DLG2: variants seen among roughly 807,000 people sequenced by gnomAD.
DLG2 encodes disks large homolog 2.
Under a neutral mutation model 132.5 loss-of-function variants are expected in DLG2, and 45 were observed. The observed-to-expected ratio is 0.34, with a 90% CI of 0.27 to 0.44. DLG2 has a LOEUF of 0.44. Among genes scored for constraint, DLG2 ranks in the 20% least tolerant of loss-of-function variants. The pLI is 1.00. For synonymous variants in DLG2, 424 were observed against 419.6 expected (o/e 1.01, Z -0.13); for missense variants, 1,045 against 1,196.9 (o/e 0.87, Z 1.87).
At chr11:85,464,858 A>T (rs2092728572) in intron 3 of DLG2, among the ~76,000 whole-genome samples, 2 of 151,534 alleles carry the variant, frequency 1.3e-5, no homozygotes, top group South Asian at 4.2e-4. Context: ...GTGAATCACA[A>T]GGCCAGGAGT....
chr11:85,554,543 G>T (rs1565678530), intron 3 of DLG2, among the ~76,000 whole-genome samples: 1 of 151,870 alleles, frequency 6.6e-6, no homozygotes, highest in South Asian at 2.1e-4. Context: ...AGCTAACTAT[G>T]GGAAGAATTT....
chr11:85,415,548 C>T (rs1442627392), intron 3 of DLG2, among the ~76,000 whole-genome samples: 1 of 152,160 alleles, frequency 6.6e-6, no homozygotes, highest in African/African-American at 2.4e-5. Flanking sequence ...TAATGATCAC[C>T]ATTCTAACTG....
chr11:85,200,588 T>A (rs1439971550), intron 4 of DLG2, among the ~76,000 whole-genome samples: 1 of 151,712 alleles, frequency 6.6e-6, no homozygotes, highest in Non-Finnish European at 1.5e-5. Flanking sequence ...TGCTGGGAGA[T>A]GAATATTTCT....
At chr11:84,183,419 T>C (rs921191163) in intron 8 of DLG2, among the ~76,000 whole-genome samples, 3 of 152,080 alleles carry the variant, frequency 2.0e-5, no homozygotes, top group Non-Finnish European at 4.4e-5. Flanking sequence ...AGGAGGTGTA[T>C]GGGAACCCTT....
intron 19 of DLG2, among the ~76,000 whole-genome samples, chr11:83,575,274 G>A (rs1265632023): frequency 6.6e-6 from 1 of 152,176 alleles, no homozygotes; most frequent in East Asian, 1.9e-4. Context: ...AGAATCTTTA[G>A]TAGATGGGAA....
intron 3 of DLG2, among the ~76,000 whole-genome samples, chr11:85,477,999 T>TTTC (rs2093192477): frequency 6.6e-6 from 1 of 151,496 alleles, no homozygotes; most frequent in African/African-American, 2.4e-5. Flanking sequence ...GAGGGCTGAG[T>TTTC]GGAACAATAG....
In DLG2 at chr11:84,405,556, C is replaced by G. The variant is rs181664241; in HGVS notation, c.519+129014G>C. On this transcript the variant is annotated intron_variant, in intron 7 of 27. Coordinates refer to ENST00000376104, the MANE Select transcript of DLG2 (RefSeq NM_001142699.3). Reference sequence around the variant, plus strand: ...ATACATTCCATATTTAATATCTAACCTATTGAAAGCCAGAAATGTTCAAAG... The same window carrying G: ...ATACATTCCATATTTAATATCTAACGTATTGAAAGCCAGAAATGTTCAAAG... 3.2e-4 allele frequency among the ~76,000 whole-genome samples: 49 copies of G among 152,226 alleles called. No individual in the cohort carries two copies. In the East Asian group the frequency reaches 8.5e-3, roughly 26 times the overall value.
chr11:84,025,723 G>A (rs1324420358), intron 11 of DLG2, among the ~76,000 whole-genome samples: 1 of 152,008 alleles, frequency 6.6e-6, no homozygotes, highest in Non-Finnish European at 1.5e-5. Flanking sequence ...ATTTATAACT[G>A]ACTTTTCTGT....
chr11:84,240,823 G>C (rs894327084), intron 8 of DLG2, among the ~76,000 whole-genome samples: 1 of 152,148 alleles, frequency 6.6e-6, no homozygotes, highest in Non-Finnish European at 1.5e-5. Context: ...CAATATAGCA[G>C]ATAAAAATTA....
At chr11:84,057,253 T>G (rs962629592) in intron 11 of DLG2, among the ~76,000 whole-genome samples, 3 of 152,212 alleles carry the variant, frequency 2.0e-5, no homozygotes, top group African/African-American at 7.2e-5. Flanking sequence ...AGCCTTTAAG[T>G]GCTCTGGATG....
chr11:83,957,648 C>A (rs924678977), intron 14 of DLG2, among the ~76,000 whole-genome samples: 24 of 151,556 alleles, frequency 1.6e-4, no homozygotes, highest in Non-Finnish European at 2.8e-4. Context: ...TAGACCTACA[C>A]TTTCTCATTA....
In DLG2 at chr11:85,115,018, G is replaced by C. The variant is rs543147923; in HGVS notation, c.283-3283C>G. Among the ~76,000 whole-genome samples the C allele has an allele frequency of 5.9e-5, 9 of 152,012 alleles. No homozygotes were observed. In the East Asian group the frequency reaches 1.7e-3, roughly 29 times the overall value. Reference sequence around the variant, plus strand: ...AATAGCATGTTCTTTTGAAAGCAGAGTAAGAGCTGAAAGGTTCTGTTGTTC... The same window carrying C: ...AATAGCATGTTCTTTTGAAAGCAGACTAAGAGCTGAAAGGTTCTGTTGTTC... On this transcript the variant is annotated intron_variant, in intron 5 of 27. Transcript: ENST00000376104.
chr11:84,288,510 G>T (rs1251804266), intron 7 of DLG2, among the ~76,000 whole-genome samples: 1 of 152,016 alleles, frequency 6.6e-6, no homozygotes, highest in Non-Finnish European at 1.5e-5. Context: ...TAGATTCAGG[G>T]AGTTCAGTTA....
At chr11:83,593,849 A>C (rs2097237620) in intron 19 of DLG2, among the ~76,000 whole-genome samples, 1 of 152,078 alleles carries the variant, frequency 6.6e-6, no homozygotes, top group South Asian at 2.1e-4. Context: ...TTGAAAAAAA[A>C]AGATAAAATA....
chr11:84,807,368 C>T (rs1032167736), intron 6 of DLG2, among the ~76,000 whole-genome samples: 1 of 152,042 alleles, frequency 6.6e-6, no homozygotes, highest in Admixed American at 6.6e-5. Context: ...ATCGCTTGAA[C>T]CCGGGAGGCA....
At chr11:84,527,068 G>A (rs368803807) in intron 7 of DLG2, among the ~76,000 whole-genome samples, 7 of 152,092 alleles carry the variant, frequency 4.6e-5, no homozygotes, top group East Asian at 1.9e-4. Flanking sequence ...GTGAGCCACC[G>A]CTCCCGGCCC....
At chr11:84,190,142 G>GTGAT (rs1189292138) in intron 8 of DLG2, among the ~76,000 whole-genome samples, 12 of 151,334 alleles carry the variant, frequency 7.9e-5, no homozygotes, top group Admixed American at 7.9e-4. Context: ...TCTTGCACAA[G>GTGAT]TGATAATGCT....
At chr11:84,399,742 A>G (rs926569629) in intron 7 of DLG2, among the ~76,000 whole-genome samples, 2 of 152,174 alleles carry the variant, frequency 1.3e-5, no homozygotes, top group Non-Finnish European at 2.9e-5. Context: ...ACACTCATTA[A>G]AAGTTTGCTC....
intron 7 of DLG2, among the ~76,000 whole-genome samples, chr11:84,374,418 G>T (rs1248707854): frequency 1.3e-5 from 2 of 152,170 alleles, no homozygotes; most frequent in African/African-American, 4.8e-5. Flanking sequence ...AGTCCAGGAT[G>T]GCTTTGAATG....
Sources: allele counts gnomAD v4.1 joint callset (sites outside exome capture counted in the v4.1 genomes callset), GRCh38; gene constraint gnomAD v4.1.1; transcripts MANE v1.5; gene names NCBI Gene and HGNC (gene_info 2026-07-23, HGNC 2026-07-21).